Variants in PEX6 observed in about 807,000 individuals in gnomAD.
PEX6 encodes peroxisomal biogenesis factor 6.
PEX6 carries 55 observed loss-of-function variants against 85.6 expected under a neutral mutation model. The observed-to-expected ratio is 0.64, with a 90% CI of 0.52 to 0.80. The LOEUF is 0.80. Ranked by LOEUF, PEX6 falls within the 30% of genes least tolerant of loss-of-function variation. The pLI is 0.00. For missense variants in PEX6, 1,099 were observed against 1,260.3 expected (o/e 0.87, Z 1.94); for synonymous variants, 519 against 549.1 (o/e 0.95, Z 0.77).
chr6:42,967,478 C>G lies in PEX6; in HGVS notation c.1774G>C (p.Glu592Gln), dbSNP rs375288192. 77 of 1,611,158 alleles carry G rather than the reference C, an allele frequency of 4.8e-5. 1 individual carries two copies. In the South Asian group the frequency reaches 7.4e-4, roughly 16 times the overall value. ...TGCCCCTCTGACAGAGCAGGCACCTCGAGCTCATGAGGAAATGCTGTCTGC... is the reference window on the plus strand; with the variant it reads ...TGCCCCTCTGACAGAGCAGGCACCTGGAGCTCATGAGGAAATGCTGTCTGC... ...DVQTAFPHELEVPALSEGQRL... is the reference protein window; with the variant it reads ...DVQTAFPHELQVPALSEGQRL... The change falls in exon 8 of 17, where the codon GAG (glutamate) becomes CAG (glutamine). Residue 592 changes from glutamate to glutamine, a missense_variant. Transcript: ENST00000304611.
chr6:42,964,289 G>T lies in PEX6; in HGVS notation c.*46C>A. On this transcript the variant is annotated 3_prime_UTR_variant, in exon 17 of 17. Transcript: ENST00000304611. The surrounding 1 kb of genome is among the most constrained non-coding windows in gnomAD (Gnocchi z 4.6). ...CCCAGATCTCTCTGTGGGCTATCAA[G>T]GTACCTGCAGCCATGCTGAGCGGGG... 6.2e-7 allele frequency: 1 copy of T among 1,610,116 alleles called. No individual in the cohort carries two copies. Among genetic ancestry groups the T allele is most frequent in the East Asian group, 2.2e-5 (1 of 44,834 alleles).
intron 6 of PEX6, 68 bp from the exon 7 acceptor site, chr6:42,968,566 A>G: frequency 7.2e-7 from 1 of 1,381,466 alleles, no homozygotes; most frequent in Non-Finnish European, 1.0e-6. Context: ...GAATCAGGGG[A>G]GGAGGAGGTG....
At chr6:42,967,246 G>A (rs1340232058) in intron 8 of PEX6, 122 bp downstream of exon 8, 1 of 948,334 alleles carries the variant, frequency 1.1e-6, no homozygotes, top group African/African-American at 1.6e-5. Context: ...TAGGATTACA[G>A]GCGTGAGCCA....
intron 2 of PEX6, 76 bp from the exon 3 acceptor site, chr6:42,974,162 C>CGACA (rs1189749277): frequency 4.6e-6 from 5 of 1,089,820 alleles, no homozygotes; most frequent in Non-Finnish European, 7.0e-6. Flanking sequence ...TGTCCACCCC[C>CGACA]GACATGCAGA....
intron 1 of PEX6, among the ~76,000 whole-genome samples, chr6:42,977,444 G>C (rs1581776614): frequency 6.6e-6 from 1 of 151,978 alleles, no homozygotes; most frequent in East Asian, 1.9e-4. Context: ...ATGGATGAAA[G>C]CCTTTTGTAT....
In PEX6 at chr6:42,968,861, C is replaced by T; in HGVS notation, c.1479+13G>A. On this transcript the variant is annotated intron_variant, in intron 6 of 16. Coordinates refer to ENST00000304611, the MANE Select transcript of PEX6 (RefSeq NM_000287.4). Reference sequence around the variant, plus strand: ...GGGAAGTAGCTGGGGTTCTACTCTCCAGAGACCCTCACCTTCAGTAAGTGG... The same window carrying T: ...GGGAAGTAGCTGGGGTTCTACTCTCTAGAGACCCTCACCTTCAGTAAGTGG... 1.3e-6 allele frequency: 2 copies of T among 1,587,850 alleles called. No homozygotes were observed. The highest frequency in any genetic ancestry group is 1.7e-5 in the Admixed American group (1 of 59,978).
intron 1 of PEX6, among the ~76,000 whole-genome samples, chr6:42,976,690 A>T (rs1470742076): frequency 6.6e-5 from 10 of 150,452 alleles, no homozygotes; most frequent in Non-Finnish European, 1.0e-4. Flanking sequence ...ATGAAGGTTT[A>T]TTTTTTTGTC....
intron 5 of PEX6, 84 bp downstream of exon 5, chr6:42,969,584 T>C: frequency 6.5e-7 from 1 of 1,544,830 alleles, no homozygotes; most frequent in Non-Finnish European, 8.9e-7. Context: ...GCCAGTTCAT[T>C]AGGAACTACC....
chr6:42,973,755 A>G (rs1429832580), intron 3 of PEX6, among the ~76,000 whole-genome samples: 2 of 152,146 alleles, frequency 1.3e-5, no homozygotes, highest in Non-Finnish European at 2.9e-5. Flanking sequence ...ACTGGGGCAG[A>G]GGCAGTGCTG....
Position 42,964,201 on chromosome 6 carries a change from G to T in PEX6, c.*134C>A. Reference sequence around the variant, plus strand: ...GTCTCAATGCCACTTTGCACCCTGGGATCTCCTGGAGGGAGGTGGCCTCCA... The same window carrying T: ...GTCTCAATGCCACTTTGCACCCTGGTATCTCCTGGAGGGAGGTGGCCTCCA... On this transcript the variant is annotated 3_prime_UTR_variant, in exon 17 of 17. Coordinates refer to ENST00000304611, the MANE Select transcript of PEX6 (RefSeq NM_000287.4). This position sits in a 1 kb window ranked among gnomAD's most constrained non-coding sequence, Gnocchi z 4.6. The T allele has an allele frequency of 1.0e-6, 1 of 964,544 alleles. No individual in the cohort carries two copies. The allele number at this position is 964,544 out of a possible 1,614,324, so 59.7% of individuals were successfully genotyped here.
chr6:42,964,023 G>A lies in PEX6; in HGVS notation c.*312C>T. 1.8e-6 allele frequency: 1 copy of A among 553,840 alleles called. No individual in the cohort carries two copies. Among genetic ancestry groups the A allele is most frequent in the South Asian group, 2.0e-5 (1 of 49,326 alleles). The allele number at this position is 553,840 out of a possible 1,614,324, so 34.3% of individuals were successfully genotyped here. A position where few individuals can be genotyped will look rare whatever the true frequency, so the allele number is the denominator to read the frequency against. ...ACAACACCAGTAGGGGGCGGGACAT[G>A]CTTTATTTTCAGCCACAGAACTAGC... On this transcript the variant is annotated 3_prime_UTR_variant, in exon 17 of 17. Transcript: ENST00000304611. This position sits in a 1 kb window ranked among gnomAD's most constrained non-coding sequence, Gnocchi z 4.6.
chr6:42,976,470 C>T (rs1770305126), intron 1 of PEX6, among the ~76,000 whole-genome samples: 1 of 152,118 alleles, frequency 6.6e-6, no homozygotes. Context: ...TCAAGCGATT[C>T]TCCTGCTTCA....
intron 7 of PEX6, 99 bp from the exon 8 acceptor site, chr6:42,967,662 G>T (rs1769890973): frequency 9.2e-7 from 1 of 1,083,026 alleles, no homozygotes; most frequent in Admixed American, 2.0e-5. Flanking sequence ...GGGAAGTGAG[G>T]TGGGTGCTAG....
chr6:42,966,476 T>C, intron 10 of PEX6, 29 bp from the exon 11 acceptor site: 2 of 1,614,136 alleles, frequency 1.2e-6, no homozygotes, highest in South Asian at 2.2e-5. Context: ...GTGGTTGGGA[T>C]ATGCTCTTGG....
rs747057026 is a variant in PEX6, at chr6:42,978,312, T to C, written c.839A>G (p.Asn280Ser). ...CATTTCCAGGGGGTCACAGCCAAGA[T>C]TAAAAGCCAAAGTGGCAGGGACAAG... ...LALVPATLAF[N>S]LGCDPLEMGE... is the part of the protein sequence containing the mutation. Residue 280 changes from asparagine to serine, a missense_variant, in exon 1 of 17, where the codon AAT becomes AGT. Transcript: ENST00000304611. 1.9e-6 allele frequency: 3 copies of C among 1,614,170 alleles called. No homozygotes were observed. Among genetic ancestry groups the C allele is most frequent in the East Asian group, 4.5e-5 (2 of 44,884 alleles).
At chr6:42,969,645 C>G in intron 5 of PEX6, 23 bp downstream of exon 5, 1 of 1,611,984 alleles carries the variant, frequency 6.2e-7, no homozygotes, top group Non-Finnish European at 8.5e-7. Flanking sequence ...TTTCTCACAC[C>G]CTGGGGTGAT....
At position 42,968,297 on chromosome 6, in the gene PEX6, G is replaced by A; in HGVS notation, c.1681C>T (p.Leu561Phe). 6.2e-7 allele frequency: 1 copy of A among 1,613,602 alleles called. No homozygotes were observed. Among genetic ancestry groups the A allele is most frequent in the Non-Finnish European group, 8.5e-7 (1 of 1,179,558 alleles). The change falls in exon 7 of 17, where the codon CTC becomes TTC. Residue 561 changes from leucine (L) to phenylalanine (F), a missense_variant. Coordinates refer to ENST00000304611, the MANE Select transcript of PEX6 (RefSeq NM_000287.4). Reference protein sequence around the residue: ...LRHLLLNEDPLNSCPPLMVVA... With the variant: ...LRHLLLNEDPFNSCPPLMVVA... ...CCAGCTCTGTATAAGTACCTGTTGA[G>A]GGGGTCCTCATTGAGGAGGAGGTGA...
chr6:42,973,660 C>G (rs966304162), intron 3 of PEX6, among the ~76,000 whole-genome samples: 3 of 152,102 alleles, frequency 2.0e-5, no homozygotes, highest in Admixed American at 6.5e-5. Flanking sequence ...CGAGCCCAGC[C>G]TGGTCAACAT....
rs1384632916 is a variant in PEX6, at chr6:42,978,918, C to G, written c.233G>C (p.Arg78Pro). The G allele has an allele frequency of 6.7e-7, 1 of 1,488,118 alleles. No individual in the cohort carries two copies. Among genetic ancestry groups the G allele is most frequent in the Non-Finnish European group, 8.9e-7 (1 of 1,127,602 alleles). The allele number at this position is 1,488,118 out of a possible 1,614,324, so 92.2% of individuals were successfully genotyped here. Residue 78 changes from arginine to proline, a missense_variant, in exon 1 of 17, where the codon CGC (arginine) becomes CCC (proline). Physicochemically the swap from Arg to Pro is moderately radical, Grantham distance 103. Around this residue, in one of 3 missense-constraint regions of PEX6, gnomAD observed 579 missense variants for 611.6 expected, o/e 0.95. Transcript: ENST00000304611. ...CAGTGCCAGGAGCCGCAGCAGCGCG[C>G]GGCTAACCAGTAGCTGCGGCGGCCC... is the stretch of plus-strand genomic sequence containing the variant. ...GPGPPQLLVSRALLRLLALGS... is the reference protein window; with the variant it reads ...GPGPPQLLVSPALLRLLALGS...
Sources: allele counts gnomAD v4.1 joint callset (sites outside exome capture counted in the v4.1 genomes callset), GRCh38; gene constraint gnomAD v4.1.1; regional missense constraint gnomAD v4.1.1; non-coding constraint Gnocchi (gnomAD v3.1); transcripts MANE v1.5; gene names NCBI Gene and HGNC (gene_info 2026-07-23, HGNC 2026-07-21).